Variants in PCDHA13 observed in about 807,000 individuals in gnomAD.
PCDHA13 encodes protocadherin alpha 13, also known as protocadherin alpha-13.
In PCDHA13, 54 loss-of-function variants were observed where a neutral mutation model predicts 64.8. That is an observed-to-expected ratio of 0.83 (90% CI 0.67 to 1.04). The LOEUF is 1.04. PCDHA13 is among the 50% of genes least tolerant of loss of function. The pLI is 0.00. For synonymous variants in PCDHA13, 587 were observed against 564.4 expected, an observed-to-expected ratio of 1.04 and a Z score of -0.57; for missense variants, 1,248 against 1,254.3, an observed-to-expected ratio of 0.99 and a Z score of 0.08.
chr5:140,967,539 A>G (rs1554229656), intron 1 of PCDHA13: 2 of 1,613,730 alleles, frequency 1.2e-6, no homozygotes, highest in African/African-American at 1.3e-5. Flanking sequence ...CCTGCCTTTG[A>G]CCAGTCCACT....
chr5:140,917,396 G>C (rs928504202), intron 1 of PCDHA13, among the ~76,000 whole-genome samples: 2 of 151,286 alleles, frequency 1.3e-5, no homozygotes, highest in East Asian at 3.9e-4. Flanking sequence ...ATGTGCAGAA[G>C]CTCTTTAGTT....
At chr5:141,000,413 ATATATATATTT>A (rs1563651437) in intron 3 of PCDHA13, among the ~76,000 whole-genome samples, 3 of 93,258 alleles carry the variant, frequency 3.2e-5, no homozygotes, top group African/African-American at 1.4e-4. Flanking sequence ...ATATATATAT[ATATATATATTT>A]TTTTTTTTTT....
chr5:140,988,206 G>GA (rs200168674), intron 3 of PCDHA13, among the ~76,000 whole-genome samples: 41 of 150,634 alleles, frequency 2.7e-4, no homozygotes, highest in Admixed American at 4.6e-4. Flanking sequence ...TCCTTATTAG[G>GA]AAAAAAAAAT....
At chr5:140,884,812 G>C in intron 1 of PCDHA13, 150 bp downstream of exon 1, 2 of 1,117,104 alleles carry the variant, frequency 1.8e-6, no homozygotes, top group Non-Finnish European at 2.5e-6. Flanking sequence ...ACTCTGCTGT[G>C]GACATTATGT....
At chr5:140,917,337 G>GA (rs1240219857) in intron 1 of PCDHA13, among the ~76,000 whole-genome samples, 3 of 142,560 alleles carry the variant, frequency 2.1e-5, no homozygotes, top group Non-Finnish European at 4.7e-5. Context: ...GGGAGGGGGG[G>GA]GATGGTGTAG....
chr5:141,007,728 G>A (rs2098342783), intron 3 of PCDHA13, among the ~76,000 whole-genome samples: 1 of 152,096 alleles, frequency 6.6e-6, no homozygotes, highest in Non-Finnish European at 1.5e-5. Context: ...GAGAACAAAG[G>A]TTAACCACTG....
intron 1 of PCDHA13, among the ~76,000 whole-genome samples, chr5:140,975,516 G>A (rs1310855349): frequency 6.6e-6 from 1 of 152,284 alleles, no homozygotes; most frequent in South Asian, 2.1e-4. Flanking sequence ...TGCAAAATCT[G>A]CAGTGGATAT....
intron 1 of PCDHA13, among the ~76,000 whole-genome samples, chr5:140,899,817 T>C (rs1360189018): frequency 6.6e-6 from 1 of 152,178 alleles, no homozygotes; most frequent in East Asian, 1.9e-4. Flanking sequence ...TTGTTTTGTT[T>C]TTCCTTTTTG....
At chr5:140,900,695 C>T (rs889860103) in intron 1 of PCDHA13, among the ~76,000 whole-genome samples, 4 of 152,170 alleles carry the variant, frequency 2.6e-5, no homozygotes, top group Non-Finnish European at 5.9e-5. Context: ...TACTGATTTC[C>T]GTTCTTTTGG....
At chr5:140,981,049 T>C (rs2096916420) in intron 2 of PCDHA13, among the ~76,000 whole-genome samples, 1 of 152,158 alleles carries the variant, frequency 6.6e-6, no homozygotes. Context: ...AAACAGATAA[T>C]TCTAGAGTGT....
chr5:140,899,465 T>C (rs1291429349), intron 1 of PCDHA13, among the ~76,000 whole-genome samples: 2 of 152,232 alleles, frequency 1.3e-5, no homozygotes, highest in African/African-American at 4.8e-5. Context: ...GTTTTTGTCT[T>C]TGGTTCTGTT....
At position 141,010,202 on chromosome 5, in the gene PCDHA13, G is replaced by C; in HGVS notation, c.*265G>C. 6.4e-7 allele frequency: 1 copy of C among 1,551,944 alleles called. No homozygotes were observed. The highest frequency in any genetic ancestry group is 8.7e-7 in the Non-Finnish European group (1 of 1,147,050). The stretch of plus-strand genomic sequence containing the variant: ...CAGACCCAAGTTTCCTTTCTCCTCC[G>C]CCGCAAAGGAGAGGCTTCCCAGCCC... On this transcript the variant is annotated 3_prime_UTR_variant, in exon 4 of 4. Coordinates refer to ENST00000289272, the MANE Select transcript of PCDHA13 (RefSeq NM_018904.3).
chr5:140,966,958 G>C (rs561982676), intron 1 of PCDHA13: 1 of 1,602,498 alleles, frequency 6.2e-7, no homozygotes, highest in South Asian at 1.1e-5. Context: ...TGGCTCGCGC[G>C]CTGGGGCTTG....
intron 3 of PCDHA13, among the ~76,000 whole-genome samples, chr5:140,983,526 A>C (rs1421450953): frequency 6.6e-6 from 1 of 152,230 alleles, no homozygotes; most frequent in African/African-American, 2.4e-5. Context: ...TGCCAAGTAC[A>C]TTGTATGTGT....
chr5:140,971,032 G>A (rs540815935), intron 1 of PCDHA13, among the ~76,000 whole-genome samples: 4 of 152,302 alleles, frequency 2.6e-5, no homozygotes, highest in African/African-American at 7.2e-5. Context: ...GCATTTGAAA[G>A]CACGTAAAAG....
intron 1 of PCDHA13, among the ~76,000 whole-genome samples, chr5:140,946,042 C>T (rs967126849): frequency 4.6e-4 from 70 of 152,118 alleles, no homozygotes; most frequent in African/African-American, 1.6e-3. Flanking sequence ...AGTGAAGGGA[C>T]AATCCACAGA....
At chr5:140,966,709 G>A (rs1447935100) in intron 1 of PCDHA13, 4 of 1,387,174 alleles carry the variant, frequency 2.9e-6, no homozygotes, top group Non-Finnish European at 2.8e-6. Flanking sequence ...CGTGGGGCAC[G>A]GCTGGGGAAG....
chr5:140,945,962 G>A (rs1049789327), intron 1 of PCDHA13, among the ~76,000 whole-genome samples: 1 of 152,002 alleles, frequency 6.6e-6, no homozygotes, highest in Non-Finnish European at 1.5e-5. Context: ...GAAAGCACAG[G>A]CAATAAAAGC....
In PCDHA13 at chr5:140,883,728, A is replaced by G. The variant is rs781971725; in HGVS notation, c.1460A>G (p.Asn487Ser). 2 of 1,613,392 alleles carry G rather than the reference A, an allele frequency of 1.2e-6. No homozygotes were observed. The highest frequency in any genetic ancestry group is 2.7e-5 in the African/African-American group (2 of 74,914). The change falls in exon 1 of 4, where the codon AAC becomes AGC. Residue 487 changes from asparagine to serine, a missense_variant. Physicochemically the swap from Asn to Ser is conservative, Grantham distance 46 (BLOSUM62 1). Transcript: ENST00000289272. ...VSAQDADAQE[N>S]ALVSYSLVER... is the part of the protein sequence containing the mutation. ...GCTCAGGACGCGGACGCACAGGAGA[A>G]CGCGCTGGTCTCCTACTCGCTGGTG...
Sources: allele counts gnomAD v4.1 joint callset (sites outside exome capture counted in the v4.1 genomes callset), GRCh38; gene constraint gnomAD v4.1.1; transcripts MANE v1.5; gene names NCBI Gene and HGNC (gene_info 2026-07-23, HGNC 2026-07-21).